PACRG: variants seen among roughly 807,000 people sequenced by gnomAD.
PACRG encodes parkin coregulated gene protein.
In PACRG, 29 loss-of-function variants were observed where a neutral mutation model predicts 29.7. The observed-to-expected ratio is 0.98, with a 90% confidence interval of 0.73 to 1.33. PACRG has a LOEUF of 1.33. Ranked by LOEUF, PACRG falls within the 40% of genes most tolerant of loss-of-function variation. PACRG has a pLI of 0.00. For missense variants in PACRG, 279 were observed against 316.2 expected (o/e 0.88, Z 0.89); for synonymous variants, 116 against 118.7 (o/e 0.98, Z 0.15).
chr6:162,916,811 C>T (rs942896095), intron 2 of PACRG, among the ~76,000 whole-genome samples: 1 of 151,950 alleles, frequency 6.6e-6, no homozygotes, highest in African/African-American at 2.4e-5. Flanking sequence ...TCACAAGAGT[C>T]AGTGTCAGTC....
rs180769124 is a variant in PACRG at position 162,765,528 on chromosome 6, G to A, written c.156+37137G>A. On this transcript the variant is annotated intron_variant, in intron 1 of 4. Coordinates refer to ENST00000366888, the MANE Select transcript of PACRG (RefSeq NM_001080379.2). ...TGTGTCCATTCCATGTGGGAACATG[G>A]AAAAGGGAGAGTCAGAGCTTTCTTG... Among the ~76,000 whole-genome samples the A allele has an allele frequency of 8.3e-4, 126 of 152,236 alleles. 3 individuals are homozygous for A. The Middle Eastern group carries it at 0.038, about 46-fold the overall frequency.
At chr6:163,182,117 A>C (rs891214002) in intron 4 of PACRG, among the ~76,000 whole-genome samples, 3 of 152,196 alleles carry the variant, frequency 2.0e-5, no homozygotes, top group African/African-American at 7.2e-5. Flanking sequence ...TTGCGGTTTC[A>C]GTTGAAAGTG....
At chr6:163,212,692 G>C (rs540318858) in intron 4 of PACRG, among the ~76,000 whole-genome samples, 1 of 151,582 alleles carries the variant, frequency 6.6e-6, no homozygotes, top group African/African-American at 2.4e-5. Flanking sequence ...ATGAAAAATT[G>C]TATATTTACC....
Position 163,210,593 on chromosome 6 carries a change from G to C in PACRG, c.614-104234G>C, listed in dbSNP as rs1054247594. On this transcript the variant is annotated intron_variant, in intron 4 of 4. Coordinates refer to ENST00000366888, the MANE Select transcript of PACRG (RefSeq NM_001080379.2). ...CCAAAGCACATGGATGATATCTACT[G>C]CAGAGGCATGTTGAAGGGATTAAAT... 4.1e-4 allele frequency among the ~76,000 whole-genome samples: 62 copies of C among 152,214 alleles called. 3 individuals are homozygous for C. Among genetic ancestry groups the C allele is most frequent in the Admixed American group, 1.3e-4 (2 of 15,284 alleles).
At chr6:163,252,025 C>T (rs953184608) in intron 4 of PACRG, among the ~76,000 whole-genome samples, 2 of 152,224 alleles carry the variant, frequency 1.3e-5, no homozygotes, top group African/African-American at 2.4e-5. Flanking sequence ...CAGCTAAGCA[C>T]GGTGTCTCTG....
At chr6:163,158,251 G>A (rs1007188317) in intron 4 of PACRG, among the ~76,000 whole-genome samples, 4 of 152,332 alleles carry the variant, frequency 2.6e-5, no homozygotes, top group South Asian at 2.1e-4. Flanking sequence ...TGTGTGGGCC[G>A]AGAAAGATAT....
At chr6:162,871,320 A>G (rs1348490469) in intron 2 of PACRG, among the ~76,000 whole-genome samples, 1 of 152,238 alleles carries the variant, frequency 6.6e-6, no homozygotes, top group Non-Finnish European at 1.5e-5. Context: ...AATAGCAAAG[A>G]TCTGTTAGTT....
At chr6:162,834,523 A>G (rs1290903874) in intron 2 of PACRG, among the ~76,000 whole-genome samples, 1 of 151,918 alleles carries the variant, frequency 6.6e-6, no homozygotes, top group Non-Finnish European at 1.5e-5. Flanking sequence ...GTACGTGTGT[A>G]TTTTTGTATT....
At chr6:163,260,219 C>A (rs551048907) in intron 4 of PACRG, among the ~76,000 whole-genome samples, 32 of 152,236 alleles carry the variant, frequency 2.1e-4, no homozygotes, top group Non-Finnish European at 4.3e-4. Context: ...CCTCAGCAGC[C>A]CCTTCAGCGA....
rs1287790092 is a variant in PACRG, at chr6:162,843,407, G to GCATTC, written c.291+29127_291+29131dup. 2.0e-5 allele frequency among the ~76,000 whole-genome samples: 3 copies of GCATTC among 149,880 alleles called. No homozygotes were observed. In the Admixed American group the frequency reaches 2.0e-4, roughly 10 times the overall value. On this transcript the variant is annotated intron_variant, in intron 2 of 4. Coordinates refer to ENST00000366888, the MANE Select transcript of PACRG (RefSeq NM_001080379.2). Reference sequence around the variant, plus strand: ...GATCGCATTGGCTCCTGAGGCTTCTGCATTCTTCACGTAGTTCTCGAGCCT... The same window carrying GCATTC: ...GATCGCATTGGCTCCTGAGGCTTCTGCATTCCATTCTTCACGTAGTTCTCGAGCCT...
intron 4 of PACRG, among the ~76,000 whole-genome samples, chr6:163,144,782 A>G (rs555503759): frequency 1.3e-5 from 2 of 152,172 alleles, no homozygotes; most frequent in African/African-American, 4.8e-5. Context: ...AGAAAAAAAA[A>G]GTAAGCACAG....
intron 2 of PACRG, among the ~76,000 whole-genome samples, chr6:163,032,893 T>C (rs1807799792): frequency 6.6e-6 from 1 of 152,180 alleles, no homozygotes; most frequent in Admixed American, 6.5e-5. Context: ...AAGCAGGTTT[T>C]TGCTCTAAGA....
chr6:162,852,877 G>T (rs911136285), intron 2 of PACRG, among the ~76,000 whole-genome samples: 2 of 152,156 alleles, frequency 1.3e-5, no homozygotes, highest in East Asian at 1.9e-4. Context: ...CTGATAAACT[G>T]TCGGGTCTGC....
intron 4 of PACRG, among the ~76,000 whole-genome samples, chr6:163,205,377 A>G (rs1311028860): frequency 6.6e-6 from 1 of 152,184 alleles, no homozygotes; most frequent in Non-Finnish European, 1.5e-5. Flanking sequence ...ACATAAACCA[A>G]TGGAACAGAA....
At chr6:162,844,069 C>T (rs1271386209) in intron 2 of PACRG, among the ~76,000 whole-genome samples, 1 of 140,540 alleles carries the variant, frequency 7.1e-6, no homozygotes, top group Non-Finnish European at 1.5e-5. Context: ...GTGCCCTGCC[C>T]CCAGAGGTGG....
At chr6:163,199,321 T>A (rs1412505458) in intron 4 of PACRG, among the ~76,000 whole-genome samples, 1 of 152,210 alleles carries the variant, frequency 6.6e-6, no homozygotes, top group Non-Finnish European at 1.5e-5. Flanking sequence ...CATAAGAAAC[T>A]AGAGATTCTA....
At chr6:163,234,388 C>G (rs1161797003) in intron 4 of PACRG, among the ~76,000 whole-genome samples, 2 of 152,252 alleles carry the variant, frequency 1.3e-5, no homozygotes, top group Non-Finnish European at 1.5e-5. Context: ...CTCCTCCTCT[C>G]TTGCTTCCTC....
intron 4 of PACRG, among the ~76,000 whole-genome samples, chr6:163,245,772 G>A (rs1182453469): frequency 6.6e-6 from 1 of 152,090 alleles, no homozygotes; most frequent in East Asian, 1.9e-4. Flanking sequence ...AACTGAAGGC[G>A]CTCAAGACAA....
chr6:162,844,224 A>T (rs1391028855), intron 2 of PACRG, among the ~76,000 whole-genome samples: 5 of 151,894 alleles, frequency 3.3e-5, no homozygotes, highest in African/African-American at 1.2e-4. Flanking sequence ...GTTTGATCTC[A>T]GACTGCTGTG....
Sources: gnomAD v4.1 joint callset for allele counts (sites outside exome capture counted in the v4.1 genomes callset) on GRCh38, gnomAD v4.1.1 for gene constraint, MANE v1.5 for transcripts, NCBI Gene and HGNC (gene_info 2026-07-23, HGNC 2026-07-21) for gene names.